Variants in PLXNB2 observed in about 807,000 individuals in gnomAD.
PLXNB2 encodes the protein plexin B2.
In PLXNB2, 85 loss-of-function variants were observed where a neutral mutation model predicts 202.6. The observed-to-expected ratio is 0.42, with a 90% CI of 0.35 to 0.50. PLXNB2 has a LOEUF of 0.50. Ranked by LOEUF, PLXNB2 falls within the 20% of genes least tolerant of loss-of-function variation. PLXNB2 has a pLI of 0.02. For missense variants in PLXNB2, 2,063 were observed against 2,586.2 expected (o/e 0.80, Z 4.39); for synonymous variants, 1,239 against 1,137.6 (o/e 1.09, Z -1.79).
At chr22:50,300,373 G>C in intron 1 of PLXNB2, 2 of 964,176 alleles carry the variant, frequency 2.1e-6, no homozygotes, top group Non-Finnish European at 2.5e-6. Flanking sequence ...GCCGATGGTG[G>C]CTCCGCCCGT....
At chr22:50,299,440 GC>G (rs1428332840) in intron 1 of PLXNB2, among the ~76,000 whole-genome samples, 1 of 152,198 alleles carries the variant, frequency 6.6e-6, no homozygotes, top group Non-Finnish European at 1.5e-5. Flanking sequence ...AGCCACGGAG[GC>G]CCCGGAGGCC....
Position 50,282,198 on chromosome 22 carries a change from G to A in PLXNB2, c.3103C>T (p.Leu1035=). ...SWQPPREAES[L]QPMTVVGTDY... ...CCAGGACTGACCGTCATGGGCTGCA[G>A]GGATTCAGCCTCCCGCGGCGGCTGC... The change falls in exon 19 of 37, where the codon CTG becomes TTG. Residue 1035 remains leucine (L), a synonymous_variant. Coordinates refer to ENST00000359337, the MANE Select transcript of PLXNB2 (RefSeq NM_012401.4). 1 of 1,610,912 alleles carries A rather than the reference G, an allele frequency of 6.2e-7. No homozygotes were observed. Among genetic ancestry groups the A allele is most frequent in the Non-Finnish European group, 8.5e-7 (1 of 1,179,370 alleles).
Position 50,297,503 on chromosome 22 carries a change from C to T in PLXNB2, c.-73-2725G>A, listed in dbSNP as rs1028527052. On this transcript the variant is annotated intron_variant, in intron 1 of 36. Transcript: ENST00000359337. The surrounding 1 kb of genome is among the most constrained non-coding windows in gnomAD (Gnocchi z 5.3). ...CCCTCCCAGAGAATAACACCATGAT[C>T]CCTCCACCCTCAGTCTGGGGCCCTT... is the stretch of plus-strand genomic sequence containing the variant. 6.6e-6 allele frequency among the ~76,000 whole-genome samples: 1 copy of T among 152,162 alleles called. No individual in the cohort carries two copies. Among genetic ancestry groups the T allele is most frequent in the Non-Finnish European group, 1.5e-5 (1 of 68,034 alleles).
chr22:50,294,652 G>C (rs999828506), intron 2 of PLXNB2, 67 bp downstream of exon 2: 4 of 685,640 alleles, frequency 5.8e-6, no homozygotes, highest in African/African-American at 5.8e-5. Context: ...GGCAGTTCTA[G>C]ATACCTCCGG....
In PLXNB2 at chr22:50,276,883, C is replaced by T. The variant is rs1473365394; in HGVS notation, c.5220G>A (p.Leu1740=). The change falls in exon 34 of 37, where the codon CTG becomes CTA. Residue 1740 remains leucine (L), a synonymous_variant. Coordinates refer to ENST00000359337, the MANE Select transcript of PLXNB2 (RefSeq NM_012401.4). Reference sequence around the variant, plus strand: ...TGTAGGTGGAGATCTCCTTGGCGTACAGCAGCTTGTTGCTGGGAGAATCCT... The same window carrying T: ...TGTAGGTGGAGATCTCCTTGGCGTATAGCAGCTTGTTGCTGGGAGAATCCT... The part of the protein sequence containing the change: ...LSRDSPSNKL[L]YAKEISTYKK... 7 of 1,604,412 alleles carry T rather than the reference C, an allele frequency of 4.4e-6. No homozygotes were observed. The highest frequency in any genetic ancestry group is 1.7e-5 in the Admixed American group (1 of 58,262).
chr22:50,290,880 A>C (rs959001743), intron 2 of PLXNB2, among the ~76,000 whole-genome samples: 5 of 152,092 alleles, frequency 3.3e-5, no homozygotes, highest in Non-Finnish European at 7.4e-5. Flanking sequence ...TGCTGAAAAC[A>C]CCGGCAGGCC....
At chr22:50,293,112 A>G (rs2067004281) in intron 2 of PLXNB2, among the ~76,000 whole-genome samples, 1 of 152,218 alleles carries the variant, frequency 6.6e-6, no homozygotes. Flanking sequence ...CAGCCAGGAA[A>G]AGATGCTGGC....
Position 50,289,375 on chromosome 22 carries a change from G to A in PLXNB2, c.1068+142C>T. 8.8e-7 allele frequency: 1 copy of A among 1,133,974 alleles called. No individual in the cohort carries two copies. Among genetic ancestry groups the A allele is most frequent in the Non-Finnish European group, 1.2e-6 (1 of 821,972 alleles). The allele number at this position is 1,133,974 out of a possible 1,614,324, so 70.2% of individuals were successfully genotyped here. A position where few individuals can be genotyped will look rare whatever the true frequency, so the allele number is the denominator to read the frequency against. ...AGCGTGAATGGCATTGAGAGATGCG[G>A]CACCCACCCACGCAAGCGCCCAGGC... is the stretch of plus-strand genomic sequence containing the variant. On this transcript the variant is annotated intron_variant, in intron 3 of 36. Coordinates refer to ENST00000359337, the MANE Select transcript of PLXNB2 (RefSeq NM_012401.4). This position sits in a 1 kb window ranked among gnomAD's most constrained non-coding sequence, Gnocchi z 8.0.
chr22:50,281,024 C>A (rs753776294), intron 23 of PLXNB2, 51 bp from the exon 24 acceptor site: 1 of 1,599,978 alleles, frequency 6.3e-7, no homozygotes, highest in Non-Finnish European at 8.6e-7. Flanking sequence ...GCCCTGACCC[C>A]CACGCTACAC....
chr22:50,289,746 A>G lies in PLXNB2; in HGVS notation c.839T>C (p.Leu280Pro). The change falls in exon 3 of 37, where the codon CTG (leucine) becomes CCG (proline). Residue 280 changes from leucine to proline, a missense_variant. This residue lies in a region of PLXNB2 where 1,303 missense variants were observed against 1,476.8 expected (regional missense o/e 0.88). Transcript: ENST00000359337. This position sits in a 1 kb window ranked among gnomAD's most constrained non-coding sequence, Gnocchi z 8.0. ...DIHAAAFGTC[L>P]AASVAAPGSG... ...GCCAGGCGCAGCCACGGAGGCGGCC[A>G]GGCAGGTGCCAAAGGCAGCGGCGTG... 1 of 1,612,670 alleles carries G rather than the reference A, an allele frequency of 6.2e-7. No individual in the cohort carries two copies. Among genetic ancestry groups the G allele is most frequent in the South Asian group, 1.1e-5 (1 of 91,078 alleles).
Position 50,281,559 on chromosome 22 carries a change from C to T in PLXNB2, c.3522+7G>A. ...GGGGCACCCCCCGCCAGTCCCCGCT[C>T]ACGCACAATGAACTCGGGCAGGTTG... On this transcript the variant is annotated splice_region_variant and intron_variant, in intron 21 of 36. Transcript: ENST00000359337. The T allele has an allele frequency of 2.5e-6, 4 of 1,610,484 alleles. No individual in the cohort carries two copies. The highest frequency in any genetic ancestry group is 3.4e-6 in the Non-Finnish European group (4 of 1,178,522).
At chr22:50,279,289 A>T (rs1391170780) in intron 27 of PLXNB2, among the ~76,000 whole-genome samples, 1 of 152,236 alleles carries the variant, frequency 6.6e-6, no homozygotes, top group Non-Finnish European at 1.5e-5. Context: ...ACAGACACAG[A>T]ATACACACGT....
chr22:50,278,067 G>C (rs764618769), intron 31 of PLXNB2, 50 bp downstream of exon 31: 18 of 1,586,462 alleles, frequency 1.1e-5, no homozygotes, highest in Non-Finnish European at 1.6e-5. Context: ...CTGGGGGGGA[G>C]GGTCTCAGCG....
rs1326972998 is a variant in PLXNB2 at position 50,284,723 on chromosome 22, C to T, written c.2089-58G>A. ...CGGCTGTGGCACCCTGGCCCTCCTC[C>T]CAGAACCCCTGCAGCCCCTCCTCTG... is the stretch of plus-strand genomic sequence containing the variant. On this transcript the variant is annotated intron_variant, in intron 11 of 36. Transcript: ENST00000359337. The surrounding 1 kb of genome is among the most constrained non-coding windows in gnomAD (Gnocchi z 8.0). 2 of 1,305,932 alleles carry T rather than the reference C, an allele frequency of 1.5e-6. No homozygotes were observed. The highest frequency in any genetic ancestry group is 2.9e-5 in the African/African-American group (2 of 68,724). The allele number at this position is 1,305,932 out of a possible 1,614,324, so 80.9% of individuals were successfully genotyped here.
chr22:50,287,696 G>A lies in PLXNB2; in HGVS notation c.1579C>T (p.Gln527Ter). 1.3e-6 allele frequency: 2 copies of A among 1,556,500 alleles called. No homozygotes were observed. The highest frequency in any genetic ancestry group is 8.7e-7 in the Non-Finnish European group (1 of 1,155,406). The part of the protein sequence containing the change: ...SCVAVTSAQP[Q>*]NMSRRAQGEV... ...CCCTGGGCCCGCCGGCTCATGTTCT[G>A]TGGCTGGGCGCTGGTGACGGCCACG... The change falls in exon 7 of 37, where the codon CAG becomes TAG. Residue 527 changes from glutamine to a stop codon, truncating the protein, a stop_gained. Transcript: ENST00000359337. LOFTEE classifies it high-confidence loss of function.
chr22:50,307,010 CTG>C (rs1174184336), intron 1 of PLXNB2, among the ~76,000 whole-genome samples: 2 of 152,110 alleles, frequency 1.3e-5, no homozygotes, highest in Admixed American at 6.5e-5. Context: ...CTGAGACTTT[CTG>C]TGTCTCGGGG....
chr22:50,293,043 G>A (rs951544655), intron 2 of PLXNB2, among the ~76,000 whole-genome samples: 1 of 152,230 alleles, frequency 6.6e-6, no homozygotes, highest in Non-Finnish European at 1.5e-5. Flanking sequence ...CTGGCCGACT[G>A]GTGGCAGAGA....
At chr22:50,282,453 C>T (rs563023943) in intron 18 of PLXNB2, 140 bp from the exon 19 acceptor site, 22 of 761,742 alleles carry the variant, frequency 2.9e-5, no homozygotes, top group Middle Eastern at 4.0e-4. Flanking sequence ...AAAGGGGCAA[C>T]GCGGTGGGAC....
At position 50,281,202 on chromosome 22, in the gene PLXNB2, G is replaced by T; in HGVS notation, c.3663-13C>A. The T allele has an allele frequency of 6.2e-7, 1 of 1,606,070 alleles. No homozygotes were observed. Among genetic ancestry groups the T allele is most frequent in the South Asian group, 1.1e-5 (1 of 90,482 alleles). The stretch of plus-strand genomic sequence containing the variant: ...CTGGCTCTTCCTCCTGCAAGGCACA[G>T]CGGGCCTCCTAGGTTCTGCCGGGGC... On this transcript the variant is annotated splice_polypyrimidine_tract_variant and intron_variant, in intron 22 of 36. Transcript: ENST00000359337.
Sources: allele counts gnomAD v4.1 joint callset (sites outside exome capture counted in the v4.1 genomes callset), GRCh38; gene constraint gnomAD v4.1.1; regional missense constraint gnomAD v4.1.1; non-coding constraint Gnocchi (gnomAD v3.1); transcripts MANE v1.5; gene names NCBI Gene and HGNC (gene_info 2026-07-23, HGNC 2026-07-21).